The following PDZD8 variants were observed in gnomAD, a reference collection of about 807,000 sequenced individuals.
PDZD8 encodes PDZ domain containing 8, also known as PDZ domain-containing protein 8.
PDZD8 carries 14 observed loss-of-function variants against 85.8 expected under a neutral mutation model. That is an observed-to-expected ratio of 0.16 (90% confidence interval 0.11 to 0.26). The LOEUF (loss-of-function observed/expected upper bound fraction) is 0.26. Among genes scored for constraint, PDZD8 ranks in the 10% least tolerant of loss-of-function variants. The pLI, the probability that PDZD8 is intolerant of heterozygous loss-of-function variation, is 1.00. For synonymous variants in PDZD8, 592 were observed against 568.6 expected, an observed-to-expected ratio of 1.04 and a Z score of -0.59; for missense variants, 1,197 against 1,424.3, an observed-to-expected ratio of 0.84 and a Z score of 2.57.
chr10:117,346,421 T>C (rs1219091478), intron 1 of PDZD8, among the ~76,000 whole-genome samples: 1 of 152,112 alleles, frequency 6.6e-6, no homozygotes, highest in African/African-American at 2.4e-5. Flanking sequence ...TCTGAAAGAA[T>C]GGTTCAAGCC....
At chr10:117,322,743 G>A (rs955614173) in intron 2 of PDZD8, among the ~76,000 whole-genome samples, 3 of 152,132 alleles carry the variant, frequency 2.0e-5, no homozygotes, top group Non-Finnish European at 2.9e-5. Context: ...TGGTGGAAAC[G>A]GGTGAGGCAT....
At chr10:117,320,212 T>C (rs1367128082) in intron 2 of PDZD8, among the ~76,000 whole-genome samples, 1 of 152,036 alleles carries the variant, frequency 6.6e-6, no homozygotes, top group Non-Finnish European at 1.5e-5. Flanking sequence ...CATAAAACAC[T>C]AAGTTTAGGG....
At chr10:117,298,647 T>G (rs1843795632) in intron 3 of PDZD8, among the ~76,000 whole-genome samples, 1 of 152,150 alleles carries the variant, frequency 6.6e-6, no homozygotes, top group Non-Finnish European at 1.5e-5. Flanking sequence ...CCTCTTTCTC[T>G]CCTCCTTATA....
In PDZD8 at chr10:117,281,502, A is replaced by G. The variant is rs1227761798; in HGVS notation, c.*1766T>C. The G allele has an allele frequency of 2.0e-5, 3 of 152,196 alleles. No individual in the cohort carries two copies. The highest frequency in any genetic ancestry group is 1.3e-4 in the Admixed American group (2 of 15,284). 9.4% of individuals were successfully genotyped at this position (152,196 alleles called of 1,614,324 possible). ...TTCGCTTACTAAAGTAACAAAAGGC[A>G]TGAGACTTGGCTATTGATTTTTAAA... On this transcript the variant is annotated 3_prime_UTR_variant, in exon 5 of 5. Transcript: ENST00000334464.
intron 1 of PDZD8, among the ~76,000 whole-genome samples, chr10:117,360,255 G>A (rs955422877): frequency 6.6e-5 from 10 of 152,178 alleles, no homozygotes; most frequent in African/African-American, 1.7e-4. Context: ...TATCAAATGA[G>A]ACGAGTTGCT....
chr10:117,346,503 T>C (rs370580545), intron 1 of PDZD8, among the ~76,000 whole-genome samples: 2 of 150,968 alleles, frequency 1.3e-5, no homozygotes, highest in Admixed American at 6.6e-5. Flanking sequence ...AATACAGGAG[T>C]TATTAATAAG....
intron 1 of PDZD8, among the ~76,000 whole-genome samples, chr10:117,354,365 C>G (rs1844857219): frequency 6.6e-6 from 1 of 152,164 alleles, no homozygotes; most frequent in South Asian, 2.1e-4. Flanking sequence ...TATAAGCACA[C>G]AAATTCTGGT....
chr10:117,346,429 G>T (rs1844710528), intron 1 of PDZD8, among the ~76,000 whole-genome samples: 1 of 151,996 alleles, frequency 6.6e-6, no homozygotes, highest in South Asian at 2.1e-4. Context: ...AATGGTTCAA[G>T]CCATGATGGC....
chr10:117,290,663 T>C (rs1441483436), intron 3 of PDZD8, among the ~76,000 whole-genome samples: 1 of 152,082 alleles, frequency 6.6e-6, no homozygotes, highest in Non-Finnish European at 1.5e-5. Flanking sequence ...TTCCTAATTA[T>C]ACAATCTAGA....
chr10:117,330,924 A>G (rs1417389296), intron 2 of PDZD8, among the ~76,000 whole-genome samples: 1 of 152,160 alleles, frequency 6.6e-6, no homozygotes, highest in Non-Finnish European at 1.5e-5. Context: ...ATTACCTAAA[A>G]TCTACAATCC....
chr10:117,310,717 C>CT (rs1287536977), intron 3 of PDZD8, among the ~76,000 whole-genome samples: 4 of 152,072 alleles, frequency 2.6e-5, no homozygotes, highest in African/African-American at 9.7e-5. Flanking sequence ...TGAACTAAAC[C>CT]TGAGTTTTCA....
intron 1 of PDZD8, among the ~76,000 whole-genome samples, chr10:117,368,851 GTTTTTTTTTTT>G (rs3034161): frequency 3.0e-5 from 3 of 99,070 alleles, no homozygotes; most frequent in African/African-American, 7.3e-5. Flanking sequence ...TATTGACAAT[GTTTTTTTTTTT>G]TTTTTTTTTT....
rs386372577 is a variant in PDZD8 at position 117,315,611 on chromosome 10, A to AC, written c.1098+3260_1098+3261insG. Among the ~76,000 whole-genome samples the AC allele has an allele frequency of 1.4e-3, 205 of 150,948 alleles. 2 individuals are homozygous for AC. The highest frequency in any genetic ancestry group is 4.7e-3 in the African/African-American group (191 of 40,752). On this transcript the variant is annotated intron_variant, in intron 3 of 4. Coordinates refer to ENST00000334464, the MANE Select transcript of PDZD8 (RefSeq NM_173791.5). ...TCAAAAAAAAAAAAAAAAAAAAAAAAACAATAATCTATTTTGTGTCTGGAA... is the reference window on the plus strand; with the variant it reads ...TCAAAAAAAAAAAAAAAAAAAAAAAACACAATAATCTATTTTGTGTCTGGAA...
chr10:117,299,417 T>C (rs1843809640), intron 3 of PDZD8, among the ~76,000 whole-genome samples: 1 of 152,192 alleles, frequency 6.6e-6, no homozygotes, highest in Non-Finnish European at 1.5e-5. Flanking sequence ...TTTTCCAGAC[T>C]TTTAGATTTC....
At chr10:117,350,213 AAAT>A (rs1463513059) in intron 1 of PDZD8, among the ~76,000 whole-genome samples, 2 of 152,044 alleles carry the variant, frequency 1.3e-5, no homozygotes, top group Middle Eastern at 3.2e-3. Context: ...GGTAGAACCA[AAAT>A]AAGAATCTAG....
intron 4 of PDZD8, among the ~76,000 whole-genome samples, chr10:117,289,630 A>G (rs1171137534): frequency 6.6e-6 from 1 of 152,178 alleles, no homozygotes; most frequent in Admixed American, 6.5e-5. Context: ...TAAGTGACAC[A>G]TTTTTCCACC....
intron 1 of PDZD8, among the ~76,000 whole-genome samples, chr10:117,357,765 CCA>C (rs1564711729): frequency 7.1e-5 from 2 of 28,250 alleles, no homozygotes; most frequent in South Asian, 1.6e-3. Flanking sequence ...GACTTCATCT[CCA>C]AAAAAAAAAA....
At chr10:117,336,557 T>C (rs1314032428) in intron 2 of PDZD8, among the ~76,000 whole-genome samples, 1 of 151,426 alleles carries the variant, frequency 6.6e-6, no homozygotes, top group Admixed American at 6.6e-5. Flanking sequence ...TTTGGAAAAA[T>C]AGTTGTTCTG....
intron 3 of PDZD8, among the ~76,000 whole-genome samples, chr10:117,297,604 T>C (rs1843778204): frequency 6.6e-6 from 1 of 152,174 alleles, no homozygotes; most frequent in South Asian, 2.1e-4. Context: ...AGTTTCAGTG[T>C]GCTCCTCAAT....
Sources: gnomAD v4.1 joint callset for allele counts (sites outside exome capture counted in the v4.1 genomes callset) on GRCh38, gnomAD v4.1.1 for gene constraint, MANE v1.5 for transcripts, NCBI Gene and HGNC (gene_info 2026-07-23, HGNC 2026-07-21) for gene names.